Variants in DYNC1H1 observed in about 807,000 individuals in gnomAD.
The protein encoded by DYNC1H1 is cytoplasmic dynein 1 heavy chain 1.
A neutral mutation model predicts 527.1 loss-of-function variants in DYNC1H1; 51 were observed. The observed-to-expected ratio is 0.10, with a 90% confidence interval of 0.08 to 0.12. The LOEUF is 0.12. DYNC1H1 is among the 10% of genes least tolerant of loss of function. The pLI is 1.00. For missense variants in DYNC1H1, 2,771 were observed against 5,971.8 expected (o/e 0.46, Z 17.66); for synonymous variants, 2,189 against 2,278.8 (o/e 0.96, Z 1.12).
At chr14:101,970,546 G>A (rs2047724870) in intron 1 of DYNC1H1, among the ~76,000 whole-genome samples, 1 of 130,486 alleles carries the variant, frequency 7.7e-6, no homozygotes, top group East Asian at 2.5e-4. Context: ...GCAGTGGCAC[G>A]ATCTCCGCTC....
chr14:102,040,861 A>C, intron 64 of DYNC1H1, 188 bp downstream of exon 64: 1 of 690,738 alleles, frequency 1.4e-6, no homozygotes, highest in Non-Finnish European at 2.5e-6. Context: ...CGGGAGGCTA[A>C]AGCAGGAAGG....
In DYNC1H1 at chr14:102,001,128, G is replaced by T. The variant is rs749598059; in HGVS notation, c.4186-17G>T. ...GAAACGCACCTGCACAGATCACTTT[G>T]TTTACTTTCTCCACAGATAAATATG... On this transcript the variant is annotated splice_polypyrimidine_tract_variant and intron_variant, in intron 19 of 77. Transcript: ENST00000360184. The surrounding 1 kb of genome is among the most constrained non-coding windows in gnomAD (Gnocchi z 5.0). The T allele has an allele frequency of 1.9e-6, 3 of 1,614,020 alleles. No homozygotes were observed. The Admixed American group carries it at 5.0e-5, about 27-fold the overall frequency.
At chr14:102,008,536 C>G (rs1478212188) in intron 29 of DYNC1H1, among the ~76,000 whole-genome samples, 199 bp downstream of exon 29, 1 of 152,106 alleles carries the variant, frequency 6.6e-6, no homozygotes, top group East Asian at 1.9e-4. Context: ...GTGTGTAATC[C>G]CAGCACTTTG....
At chr14:101,996,161 G>A (rs565666862) in intron 15 of DYNC1H1, among the ~76,000 whole-genome samples, 21 of 148,236 alleles carry the variant, frequency 1.4e-4, no homozygotes, top group Middle Eastern at 3.5e-3. Context: ...ATGGAGTCTC[G>A]CTCTGTCACC....
rs577558823 is a variant in DYNC1H1 at position 101,997,306 on chromosome 14, T to C, written c.3804+32T>C. On this transcript the variant is annotated intron_variant, in intron 16 of 77. Coordinates refer to ENST00000360184, the MANE Select transcript of DYNC1H1 (RefSeq NM_001376.5). The surrounding 1 kb of genome is among the most constrained non-coding windows in gnomAD (Gnocchi z 4.8). The stretch of plus-strand genomic sequence containing the variant: ...CCCGCCAGGTGGGGACGCAGGAGAC[T>C]CCTCACCCAGCAGTGTGATTTGGTG... 7.5e-5 allele frequency: 121 copies of C among 1,613,848 alleles called. No homozygotes were observed. The highest frequency in any genetic ancestry group is 9.3e-5 in the Non-Finnish European group (110 of 1,179,964).
intron 15 of DYNC1H1, 91 bp from the exon 16 acceptor site, chr14:101,996,944 A>G (rs1299626707): frequency 3.3e-6 from 5 of 1,528,090 alleles, no homozygotes; most frequent in Non-Finnish European, 4.4e-6. Flanking sequence ...TTTTATAACT[A>G]TAAAGTGCCT....
At chr14:102,037,178 C>T (rs2048586325) in intron 57 of DYNC1H1, 1 of 168,818 alleles carries the variant, frequency 5.9e-6, no homozygotes, top group African/African-American at 2.4e-5. Context: ...GTAATCCCAG[C>T]ACTTTGGGAG....
At position 102,039,907 on chromosome 14, in the gene DYNC1H1, A is replaced by C. The variant is rs955851645; in HGVS notation, c.11690+175A>C. 2.0e-5 allele frequency among the ~76,000 whole-genome samples: 3 copies of C among 151,868 alleles called. No homozygotes were observed. The highest frequency in any genetic ancestry group is 6.6e-5 in the Admixed American group (1 of 15,236). On this transcript the variant is annotated intron_variant, in intron 62 of 77. Coordinates refer to ENST00000360184, the MANE Select transcript of DYNC1H1 (RefSeq NM_001376.5). This position sits in a 1 kb window ranked among gnomAD's most constrained non-coding sequence, Gnocchi z 7.0. The stretch of plus-strand genomic sequence containing the variant: ...GGCTGGAGTGCCGTGGTGTAATCTC[A>C]CCTCACTGCAACCTCCACCTCCCAG...
Position 102,044,998 on chromosome 14 carries a change from T to C in DYNC1H1, c.13006+300T>C. On this transcript the variant is annotated intron_variant, in intron 72 of 77. Transcript: ENST00000360184. The surrounding 1 kb of genome is among the most constrained non-coding windows in gnomAD (Gnocchi z 7.1). Reference sequence around the variant, plus strand: ...CCTAGAAATAACATTTAGATGTTCATCTCATATTGAAAAGCAGTTACTGGC... The same window carrying C: ...CCTAGAAATAACATTTAGATGTTCACCTCATATTGAAAAGCAGTTACTGGC... 1 of 442,858 alleles carries C rather than the reference T, an allele frequency of 2.3e-6. No individual in the cohort carries two copies. The highest frequency in any genetic ancestry group is 4.2e-6 in the Non-Finnish European group (1 of 237,998). 27.4% of individuals were successfully genotyped at this position (442,858 alleles called of 1,614,324 possible).
In DYNC1H1 at chr14:101,964,656, T is replaced by G. The variant is rs1488036141; in HGVS notation, c.-36T>G. The G allele has an allele frequency of 6.4e-7, 1 of 1,556,582 alleles. No individual in the cohort carries two copies. Among genetic ancestry groups the G allele is most frequent in the Non-Finnish European group, 8.6e-7 (1 of 1,156,868 alleles). On this transcript the variant is annotated 5_prime_UTR_variant, in exon 1 of 78. Coordinates refer to ENST00000360184, the MANE Select transcript of DYNC1H1 (RefSeq NM_001376.5). The surrounding 1 kb of genome is among the most constrained non-coding windows in gnomAD (Gnocchi z 5.5). ...GCTGTCTCGCTGAGTCGCGGCCGCC[T>G]TCTCATCGCTCCTGGAAGGTCCCGA... is the stretch of plus-strand genomic sequence containing the variant.
In DYNC1H1 at chr14:102,016,980, G is replaced by A. The variant is rs1595617746; in HGVS notation, c.7829G>A (p.Arg2610Gln). 2 of 1,614,124 alleles carry A rather than the reference G, an allele frequency of 1.2e-6. No individual in the cohort carries two copies. The highest frequency in any genetic ancestry group is 1.1e-5 in the South Asian group (1 of 91,092). Residue 2610 changes from arginine (R) to glutamine (Q), a missense_variant, in exon 38 of 78, where the codon CGG becomes CAG. Physicochemically the swap from Arg to Gln is conservative, Grantham distance 43. Around this residue, in one of 32 missense-constraint regions of DYNC1H1, gnomAD observed 163 missense variants for 346.9 expected, o/e 0.47. Coordinates refer to ENST00000360184, the MANE Select transcript of DYNC1H1 (RefSeq NM_001376.5). The surrounding 1 kb of genome is among the most constrained non-coding windows in gnomAD (Gnocchi z 7.3). ...GKTMTLFSALRALPDMEVVGL... is the reference protein window; with the variant it reads ...GKTMTLFSALQALPDMEVVGL... ...ACCATGACACTCTTCAGCGCCCTCC[G>A]GGCCTTGCCTGACATGGAGGTAAAG... is the stretch of plus-strand genomic sequence containing the variant.
intron 1 of DYNC1H1, among the ~76,000 whole-genome samples, chr14:101,971,291 C>G (rs1202801728): frequency 6.6e-6 from 1 of 151,824 alleles, no homozygotes; most frequent in Non-Finnish European, 1.5e-5. Context: ...CCAGACTGGT[C>G]TCAAACTCCT....
chr14:102,030,057 A>AGTGTGT (rs3830916), intron 50 of DYNC1H1, 105 bp from the exon 51 acceptor site: 290 of 1,520,138 alleles, frequency 1.9e-4, no homozygotes, highest in African/African-American at 1.8e-3. Context: ...AGGGAGAGAG[A>AGTGTGT]GTGTGTGTGT....
At position 102,039,389 on chromosome 14, in the gene DYNC1H1, C is replaced by T. The variant is rs748954199; in HGVS notation, c.11461-23C>T. On this transcript the variant is annotated intron_variant, in intron 60 of 77. Transcript: ENST00000360184. This position sits in a 1 kb window ranked among gnomAD's most constrained non-coding sequence, Gnocchi z 7.0. ...CGGGGTGCCGAGGGAGCTGCCTCAC[C>T]GCTGCCCACTGCTTCCTTTCAGATA... 117 of 1,613,476 alleles carry T rather than the reference C, an allele frequency of 7.3e-5. No homozygotes were observed. The Middle Eastern group carries it at 8.2e-4, about 11-fold the overall frequency.
chr14:102,055,133 TCTTCA>T lies in DYNC1H1; in HGVS notation c.*4575_*4579del. 1 of 152,310 alleles carries T rather than the reference TCTTCA, an allele frequency of 6.6e-6. No homozygotes were observed. Among genetic ancestry groups the T allele is most frequent in the East Asian group, 1.9e-4 (1 of 5,172 alleles). 9.4% of individuals were successfully genotyped at this position (152,310 alleles called of 1,614,324 possible). A position where few individuals can be genotyped will look rare whatever the true frequency, so the allele number is the denominator to read the frequency against. ...GGACCCTGGAGGAGAAGCCCCCTCC[TCTTCA>T]CTTCCACCCTCTCTCTTCCACCCCT... On this transcript the variant is annotated 3_prime_UTR_variant, in exon 78 of 78. Transcript: ENST00000360184.
At position 102,022,603 on chromosome 14, in the gene DYNC1H1, G is replaced by A. The variant is rs940810759; in HGVS notation, c.8508-148G>A. 6 of 1,078,102 alleles carry A rather than the reference G, an allele frequency of 5.6e-6. No homozygotes were observed. The African/African-American group carries it at 9.4e-5, about 17-fold the overall frequency. The allele number at this position is 1,078,102 out of a possible 1,614,324, so 66.8% of individuals were successfully genotyped here. On this transcript the variant is annotated intron_variant, in intron 42 of 77. Transcript: ENST00000360184. ...TAAGCTGTCATGAGTTCAGCTTTTA[G>A]GTTCATCCATGCATAGTAAAGGAAG...
In DYNC1H1 at chr14:102,015,302, G is replaced by C. The variant is rs779649338; in HGVS notation, c.7212G>C (p.Glu2404Asp). 2 of 1,613,772 alleles carry C rather than the reference G, an allele frequency of 1.2e-6. No individual in the cohort carries two copies. The highest frequency in any genetic ancestry group is 1.7e-5 in the Admixed American group (1 of 59,960). The change falls in exon 35 of 78, where the codon GAG becomes GAC. Residue 2404 changes from glutamate (E) to aspartate (D), a missense_variant. Around this residue, in one of 32 missense-constraint regions of DYNC1H1, gnomAD observed 122 missense variants for 168.4 expected, o/e 0.72. Coordinates refer to ENST00000360184, the MANE Select transcript of DYNC1H1 (RefSeq NM_001376.5). The surrounding 1 kb of genome is among the most constrained non-coding windows in gnomAD (Gnocchi z 6.9). Reference protein sequence around the residue: ...AQRRRKGKEDEGEEAASPMLQ... With the variant: ...AQRRRKGKEDDGEEAASPMLQ... The stretch of plus-strand genomic sequence containing the variant: ...GGCGGCGTAAGGGCAAAGAGGATGA[G>C]GGGGAGGAGGCCGCTTCCCCCATGC...
In DYNC1H1 at chr14:102,001,798, G is replaced by T. The variant is rs561971109; in HGVS notation, c.4542+117G>T. ...TTTTTATTGTATTTTTTGAGACAGG[G>T]TCTCACTCTGTCTCCCACGCTGGAG... On this transcript the variant is annotated intron_variant, in intron 21 of 77. Coordinates refer to ENST00000360184, the MANE Select transcript of DYNC1H1 (RefSeq NM_001376.5). The surrounding 1 kb of genome is among the most constrained non-coding windows in gnomAD (Gnocchi z 5.0). 40 of 1,382,296 alleles carry T rather than the reference G, an allele frequency of 2.9e-5. No individual in the cohort carries two copies. The East Asian group carries it at 7.1e-4, about 24-fold the overall frequency. 85.6% of individuals were successfully genotyped at this position (1,382,296 alleles called of 1,614,324 possible). A position where few individuals can be genotyped will look rare whatever the true frequency, so the allele number is the denominator to read the frequency against.
At chr14:101,996,399 G>T (rs1027251006) in intron 15 of DYNC1H1, among the ~76,000 whole-genome samples, 2 of 152,036 alleles carry the variant, frequency 1.3e-5, no homozygotes, top group Admixed American at 1.3e-4. Flanking sequence ...CAAAGTGCTG[G>T]GATTACAGGC....
Sources: gnomAD v4.1 joint callset for allele counts (sites outside exome capture counted in the v4.1 genomes callset) on GRCh38, gnomAD v4.1.1 for gene constraint, gnomAD v4.1.1 regional missense constraint, Gnocchi (gnomAD v3.1) non-coding constraint, MANE v1.5 for transcripts, NCBI Gene and HGNC (gene_info 2026-07-23, HGNC 2026-07-21) for gene names.